TENM4: variants seen among roughly 807,000 people sequenced by gnomAD.
TENM4 encodes teneurin transmembrane protein 4, also known as teneurin-4.
A neutral mutation model predicts 243.3 loss-of-function variants in TENM4; 82 were observed. The ratio of observed to expected loss-of-function variants is 0.34; its 90% CI spans 0.28 to 0.40. TENM4 has a LOEUF of 0.40. TENM4 is among the 10% of genes least tolerant of loss of function. The probability of loss-of-function intolerance (pLI) is 1.00; values close to 1 mark genes in which losing one functional copy is unlikely to be tolerated. For synonymous variants in TENM4, 1,412 were observed against 1,456.3 expected (o/e 0.97, Z 0.69); for missense variants, 3,138 against 3,673.3 (o/e 0.85, Z 3.77).
At chr11:79,231,829 C>T (rs1380379711) in intron 2 of TENM4, among the ~76,000 whole-genome samples, 1 of 152,138 alleles carries the variant, frequency 6.6e-6, no homozygotes, top group East Asian at 1.9e-4. Flanking sequence ...CTCATAATCC[C>T]AGCACTTTGG....
At chr11:79,043,335 C>A (rs1244815949) in intron 6 of TENM4, among the ~76,000 whole-genome samples, 1 of 152,132 alleles carries the variant, frequency 6.6e-6, no homozygotes, top group South Asian at 2.1e-4. Flanking sequence ...GGAAGGTGCA[C>A]GTTTCCCTGC....
At chr11:79,034,766 A>T (rs900942456) in intron 6 of TENM4, among the ~76,000 whole-genome samples, 1 of 152,112 alleles carries the variant, frequency 6.6e-6, no homozygotes, top group Non-Finnish European at 1.5e-5. Context: ...GCATACGTGG[A>T]CCATGATGAT....
In TENM4 at chr11:78,856,023, C is replaced by G. The variant is rs1591074417; in HGVS notation, c.1411G>C (p.Gly471Arg). 1 of 1,551,686 alleles carries G rather than the reference C, an allele frequency of 6.4e-7. No homozygotes were observed. The highest frequency in any genetic ancestry group is 2.4e-5 in the East Asian group (1 of 40,912). ...TAAATGCCAACCAGGGCTGCCTTTCCCAGAGACACATTGAATTTCAGATGC... is the reference window on the plus strand; with the variant it reads ...TAAATGCCAACCAGGGCTGCCTTTCGCAGAGACACATTGAATTTCAGATGC... ...PVHLKFNVSL[G>R]KAALVGIYGR... Residue 471 changes from glycine to arginine, a missense_variant, in exon 11 of 34, where the codon GGA becomes CGA. Physicochemically the swap from Gly to Arg is moderately radical, Grantham distance 125. Coordinates refer to ENST00000278550, the MANE Select transcript of TENM4 (RefSeq NM_001098816.3).
At chr11:79,130,390 C>T (rs1436023755) in intron 4 of TENM4, among the ~76,000 whole-genome samples, 2 of 152,082 alleles carry the variant, frequency 1.3e-5, no homozygotes, top group Non-Finnish European at 2.9e-5. Flanking sequence ...AAGAAGAAAT[C>T]CCTGATGTAC....
chr11:79,150,133 C>A (rs56387690), intron 3 of TENM4, among the ~76,000 whole-genome samples: 8,382 of 152,152 alleles, frequency 0.055, 336 homozygotes, highest in Non-Finnish European at 0.078. Flanking sequence ...CACTCCTGCT[C>A]GGTTCAGCCT....
chr11:79,371,416 C>T (rs1857784182), intron 1 of TENM4, among the ~76,000 whole-genome samples: 5 of 151,998 alleles, frequency 3.3e-5, no homozygotes, highest in Admixed American at 3.3e-4. Flanking sequence ...AGGACTCTGA[C>T]ATGTAGAAAA....
At chr11:78,967,937 A>G (rs1341995332) in intron 6 of TENM4, among the ~76,000 whole-genome samples, 1 of 152,248 alleles carries the variant, frequency 6.6e-6, no homozygotes, top group East Asian at 1.9e-4. Flanking sequence ...CAGTTTGGAT[A>G]CCTGTCCCCT....
intron 1 of TENM4, among the ~76,000 whole-genome samples, chr11:79,366,048 A>G (rs1857670160): frequency 6.6e-6 from 1 of 152,242 alleles, no homozygotes; most frequent in African/African-American, 2.4e-5. Context: ...GCTAGTGGCT[A>G]TCATGCTAGA....
At chr11:79,392,482 G>A (rs531060) in intron 1 of TENM4, among the ~76,000 whole-genome samples, 64,531 of 152,090 alleles carry the variant, frequency 0.42, 13,701 homozygotes, top group Non-Finnish European at 0.46. Flanking sequence ...AAGGAAAGTC[G>A]CAGGGAGAAT....
chr11:79,310,258 A>G (rs555912296), intron 1 of TENM4, among the ~76,000 whole-genome samples: 1 of 152,348 alleles, frequency 6.6e-6, no homozygotes, highest in Admixed American at 6.5e-5. Flanking sequence ...TTGCAAGCAA[A>G]GACTGCCATG....
At chr11:79,130,679 T>C (rs10793368) in intron 4 of TENM4, among the ~76,000 whole-genome samples, 137,956 of 152,090 alleles carry the variant, frequency 0.91, 63,473 homozygotes, top group Middle Eastern at 1. Flanking sequence ...AAAAATTAGC[T>C]GGGCGTGGTG....
At chr11:79,096,924 GCGCGCACACACACA>G (rs1309670398) in intron 4 of TENM4, 53 of 121,302 alleles carry the variant, frequency 4.4e-4, no homozygotes, top group African/African-American at 1.6e-3. Context: ...ATGCGCGCGC[GCGCGCACACACACA>G]CACACACACA....
At chr11:78,831,090 G>A (rs760091264) in intron 12 of TENM4, among the ~76,000 whole-genome samples, 2 of 152,204 alleles carry the variant, frequency 1.3e-5, no homozygotes, top group African/African-American at 4.8e-5. Context: ...GAGGCCTAGA[G>A]AAGTGAAATG....
At chr11:79,264,138 A>G (rs1396953217) in intron 2 of TENM4, among the ~76,000 whole-genome samples, 1 of 152,166 alleles carries the variant, frequency 6.6e-6, no homozygotes, top group African/African-American at 2.4e-5. Context: ...GCTCTTACTT[A>G]TCAGTGTCCG....
At chr11:78,744,374 C>G (rs1426994823) in intron 19 of TENM4, among the ~76,000 whole-genome samples, 3 of 152,232 alleles carry the variant, frequency 2.0e-5, no homozygotes, top group Non-Finnish European at 4.4e-5. Context: ...GATTATGAAA[C>G]ATTCGAGTCA....
intron 4 of TENM4, among the ~76,000 whole-genome samples, chr11:79,132,320 T>C (rs1862021725): frequency 1.0e-5 from 1 of 99,478 alleles, no homozygotes; most frequent in African/African-American, 3.9e-5. Flanking sequence ...CAGTCTGGCC[T>C]GGGAGAAAGA....
At chr11:79,110,148 T>G (rs1006532212) in intron 4 of TENM4, among the ~76,000 whole-genome samples, 6 of 152,254 alleles carry the variant, frequency 3.9e-5, no homozygotes, top group African/African-American at 1.4e-4. Context: ...CAGGAAACTT[T>G]GTGCAACTCC....
intron 33 of TENM4, 87 bp downstream of exon 33, chr11:78,661,362 T>G: frequency 6.6e-7 from 1 of 1,506,616 alleles, no homozygotes; most frequent in Non-Finnish European, 9.0e-7. Context: ...TGTCTATCAC[T>G]GGCCCATGCT....
chr11:79,344,896 A>G (rs1158542223), intron 1 of TENM4, among the ~76,000 whole-genome samples: 1 of 152,220 alleles, frequency 6.6e-6, no homozygotes, highest in Non-Finnish European at 1.5e-5. Flanking sequence ...AGATTCACTC[A>G]TGTTGTCACT....
Sources: allele counts gnomAD v4.1 joint callset (sites outside exome capture counted in the v4.1 genomes callset), GRCh38; gene constraint gnomAD v4.1.1; transcripts MANE v1.5; gene names NCBI Gene and HGNC (gene_info 2026-07-23, HGNC 2026-07-21).